RSPH9: variants seen among roughly 807,000 people sequenced by gnomAD.
RSPH9 encodes radial spoke head protein 9 homolog.
Under a neutral mutation model 27.0 loss-of-function variants are expected in RSPH9, and 27 were observed. The observed-to-expected ratio is 1.00, with a 90% confidence interval of 0.74 to 1.38. RSPH9 has a LOEUF of 1.38. Among genes scored for constraint, RSPH9 ranks in the 40% most tolerant of loss-of-function variants. RSPH9 has a pLI of 0.00. For missense variants in RSPH9, 347 were observed against 357.4 expected, an observed-to-expected ratio of 0.97 and a Z score of 0.24; for synonymous variants, 145 against 147.7, an observed-to-expected ratio of 0.98 and a Z score of 0.13.
chr6:43,664,188 T>G (rs1772908940), intron 4 of RSPH9, among the ~76,000 whole-genome samples: 1 of 152,138 alleles, frequency 6.6e-6, no homozygotes, highest in Non-Finnish European at 1.5e-5. Flanking sequence ...AAGAGCAATA[T>G]ATCAAAGTAA....
Position 43,656,801 on chromosome 6 carries a change from C to T in RSPH9, c.670+78C>T, listed in dbSNP as rs959226850. On this transcript the variant is annotated intron_variant, in intron 4 of 4. Transcript: ENST00000372163. ...GGGCCATGCCACCTGCCATTTTCCT[C>T]TGAGACTGGAACCAAGGGCCTAGTG... 6 of 1,526,152 alleles carry T rather than the reference C, an allele frequency of 3.9e-6. No homozygotes were observed. The African/African-American group carries it at 8.2e-5, about 21-fold the overall frequency. 94.5% of individuals were successfully genotyped at this position (1,526,152 alleles called of 1,614,324 possible). A position where few individuals can be genotyped will look rare whatever the true frequency, so the allele number is the denominator to read the frequency against.
At position 43,672,467 on chromosome 6, in the gene RSPH9, G is replaced by A. The variant is rs940214981; in HGVS notation, c.*1518G>A. On this transcript the variant is annotated 3_prime_UTR_variant, in exon 5 of 5. Transcript: ENST00000372163. The stretch of plus-strand genomic sequence containing the variant: ...TTCCTGTAAATAGGAGGGGGGTGGG[G>A]AAAGATGGCTGCCGCCCATGGACCT... 1 of 469,512 alleles carries A rather than the reference G, an allele frequency of 2.1e-6. No homozygotes were observed. The highest frequency in any genetic ancestry group is 4.4e-6 in the Non-Finnish European group (1 of 226,240). 29.1% of individuals were successfully genotyped at this position (469,512 alleles called of 1,614,324 possible).
rs768726027 is a variant in RSPH9 at position 43,645,116 on chromosome 6, C to G, written c.18C>G (p.Leu6=). ...CTGACCTGATGGACGCCGACAGCCT[C>G]CTGCTGTCTCTGGAGCTGGCGTCCG... is the stretch of plus-strand genomic sequence containing the variant. MDADS[L]LLSLELASGS... Residue 6 remains leucine (L), a synonymous_variant, in exon 1 of 5, where the codon CTC becomes CTG. Coordinates refer to ENST00000372163, the MANE Select transcript of RSPH9 (RefSeq NM_152732.5). The G allele has an allele frequency of 6.8e-6, 11 of 1,612,448 alleles. No individual in the cohort carries two copies. Among genetic ancestry groups the G allele is most frequent in the Non-Finnish European group, 1.7e-6 (2 of 1,179,940 alleles).
chr6:43,653,716 G>T (rs2127901471), intron 2 of RSPH9, among the ~76,000 whole-genome samples: 1 of 152,038 alleles, frequency 6.6e-6, no homozygotes, highest in East Asian at 1.9e-4. Context: ...TTTTGAGACG[G>T]AGTTTTGCTT....
At chr6:43,656,875 C>T in intron 4 of RSPH9, 152 bp downstream of exon 4, 1 of 805,288 alleles carries the variant, frequency 1.2e-6, no homozygotes, top group East Asian at 2.5e-5. Context: ...TTCCCCAGGG[C>T]CCAGCTTATA....
chr6:43,658,006 C>G (rs1772199531), intron 4 of RSPH9, among the ~76,000 whole-genome samples: 1 of 152,090 alleles, frequency 6.6e-6, no homozygotes, highest in Non-Finnish European at 1.5e-5. Context: ...AATGAACACA[C>G]CAGCCGGGTG....
rs182834519 is a variant in RSPH9 at position 43,656,371 on chromosome 6, C to T, written c.524-206C>T. On this transcript the variant is annotated intron_variant, in intron 3 of 4. Coordinates refer to ENST00000372163, the MANE Select transcript of RSPH9 (RefSeq NM_152732.5). The stretch of plus-strand genomic sequence containing the variant: ...AAAGTGCTGGGATTACAGGCATGAA[C>T]CATCGTGCCTGGCTGGACTCTCTTT... Among the ~76,000 whole-genome samples the T allele has an allele frequency of 1.2e-3, 177 of 152,272 alleles. 5 individuals carry two copies. Among genetic ancestry groups the T allele is most frequent in the Admixed American group, 0.011 (172 of 15,274 alleles).
intron 4 of RSPH9, among the ~76,000 whole-genome samples, chr6:43,660,750 A>G (rs1037357264): frequency 6.6e-6 from 1 of 152,212 alleles, no homozygotes; most frequent in African/African-American, 2.4e-5. Flanking sequence ...GGTGTGAACC[A>G]CCGCACCTGG....
At chr6:43,649,460 A>AGCC (rs1771218849) in intron 1 of RSPH9, among the ~76,000 whole-genome samples, 1 of 151,982 alleles carries the variant, frequency 6.6e-6, no homozygotes, top group Admixed American at 6.6e-5. Flanking sequence ...TACAAGTGTG[A>AGCC]GCCACCGCGC....
intron 4 of RSPH9, among the ~76,000 whole-genome samples, chr6:43,666,116 G>A (rs1022726255): frequency 2.6e-5 from 4 of 152,104 alleles, no homozygotes; most frequent in Non-Finnish European, 5.9e-5. Context: ...ATAAGCCACC[G>A]TGCCCAGCCT....
intron 1 of RSPH9, 87 bp from the exon 2 acceptor site, chr6:43,650,288 C>T (rs577273074): frequency 1.3e-6 from 2 of 1,518,216 alleles, no homozygotes; most frequent in African/African-American, 2.7e-5. Flanking sequence ...TTTCCTGGGC[C>T]CAACCCACTA....
At chr6:43,658,201 G>A (rs1447038271) in intron 4 of RSPH9, among the ~76,000 whole-genome samples, 2 of 144,030 alleles carry the variant, frequency 1.4e-5, no homozygotes, top group Non-Finnish European at 3.0e-5. Flanking sequence ...GAGGTAGGGA[G>A]AATTGCTTGA....
At chr6:43,663,304 C>T (rs184218462) in intron 4 of RSPH9, among the ~76,000 whole-genome samples, 31 of 152,134 alleles carry the variant, frequency 2.0e-4, no homozygotes, top group Middle Eastern at 3.4e-3. Context: ...TTACAACCTC[C>T]GCCTCCTGGG....
chr6:43,667,530 G>A (rs1189362238), intron 4 of RSPH9, among the ~76,000 whole-genome samples: 1 of 152,248 alleles, frequency 6.6e-6, no homozygotes, highest in Non-Finnish European at 1.5e-5. Flanking sequence ...GGAACATGGT[G>A]CCCAGGGTCA....
At chr6:43,664,028 A>G (rs772910369) in intron 4 of RSPH9, among the ~76,000 whole-genome samples, 9,022 of 137,952 alleles carry the variant, frequency 0.065, 469 homozygotes, top group African/African-American at 0.15. Flanking sequence ...GAATGTCTCG[A>G]AAAAAAAAAA....
At chr6:43,669,399 G>A (rs1176229893) in intron 4 of RSPH9, among the ~76,000 whole-genome samples, 1 of 152,218 alleles carries the variant, frequency 6.6e-6, no homozygotes, top group East Asian at 1.9e-4. Context: ...GCTGCCATGA[G>A]GGTCAGGGGT....
rs1161702984 is a variant in RSPH9 at position 43,672,462 on chromosome 6, G to T, written c.*1513G>T. The T allele has an allele frequency of 4.3e-6, 2 of 469,818 alleles. No homozygotes were observed. Among genetic ancestry groups the T allele is most frequent in the Admixed American group, 4.7e-5 (2 of 42,568 alleles). 29.1% of individuals were successfully genotyped at this position (469,818 alleles called of 1,614,324 possible). On this transcript the variant is annotated 3_prime_UTR_variant, in exon 5 of 5. Transcript: ENST00000372163. ...GAAGGTTCCTGTAAATAGGAGGGGG[G>T]TGGGGAAAGATGGCTGCCGCCCATG... is the stretch of plus-strand genomic sequence containing the variant.
intron 3 of RSPH9, among the ~76,000 whole-genome samples, chr6:43,656,028 CCTTCCTTCCCCTTCTTTCCCTTCTTT>C (rs1561940125): frequency 2.3e-5 from 3 of 132,076 alleles, no homozygotes; most frequent in African/African-American, 1.0e-4. Context: ...TTCCTTCCTT[CCTTCCTTCCCCTTCTTTCCCTTCTTT>C]CCCTTCTTTC....
At position 43,651,828 on chromosome 6, in the gene RSPH9, C is replaced by T. The variant is rs552394469; in HGVS notation, c.393+1288C>T. Among the ~76,000 whole-genome samples, 21 of 152,026 alleles carry T rather than the reference C, an allele frequency of 1.4e-4. No individual in the cohort carries two copies. The East Asian group carries it at 2.9e-3, about 21-fold the overall frequency. ...TCTCCCAAAGTATTGGGATTACAGGCGTGAGCCACCGCACACAGTCTGACG... is the reference window on the plus strand; with the variant it reads ...TCTCCCAAAGTATTGGGATTACAGGTGTGAGCCACCGCACACAGTCTGACG... On this transcript the variant is annotated intron_variant, in intron 2 of 4. Coordinates refer to ENST00000372163, the MANE Select transcript of RSPH9 (RefSeq NM_152732.5).
Sources: gnomAD v4.1 joint callset for allele counts (sites outside exome capture counted in the v4.1 genomes callset) on GRCh38, gnomAD v4.1.1 for gene constraint, MANE v1.5 for transcripts, NCBI Gene and HGNC (gene_info 2026-07-23, HGNC 2026-07-21) for gene names.